PRKN: variants seen among roughly 807,000 people sequenced by gnomAD.
The protein encoded by PRKN is E3 ubiquitin-protein ligase parkin.
A neutral mutation model predicts 59.5 loss-of-function variants in PRKN; 56 were observed. That is an observed-to-expected ratio of 0.94 (90% confidence interval 0.76 to 1.18). The LOEUF is 1.18. PRKN is among the 50% of genes most tolerant of loss of function. The pLI is 0.00. For missense variants in PRKN, 657 were observed against 596.4 expected (o/e 1.10, Z -1.06); for synonymous variants, 250 against 222.1 (o/e 1.13, Z -1.12).
intron 5 of PRKN, among the ~76,000 whole-genome samples, chr6:161,985,563 T>C (rs1781405011): frequency 6.6e-6 from 1 of 152,208 alleles, no homozygotes; most frequent in Non-Finnish European, 1.5e-5. Context: ...AGTTACTATA[T>C]TCCTAACATT....
intron 4 of PRKN, among the ~76,000 whole-genome samples, chr6:162,121,776 C>T (rs559816975): frequency 6.6e-6 from 1 of 152,282 alleles, no homozygotes; most frequent in East Asian, 1.9e-4. Flanking sequence ...GCTGGCTCAG[C>T]TCATACCTGT....
At chr6:162,406,224 G>T (rs1170332594) in intron 2 of PRKN, among the ~76,000 whole-genome samples, 2 of 152,214 alleles carry the variant, frequency 1.3e-5, no homozygotes, top group Non-Finnish European at 2.9e-5. Context: ...CAAATGGACA[G>T]ATGTGGACAC....
chr6:161,888,771 C>T (rs940798119), intron 6 of PRKN, among the ~76,000 whole-genome samples: 1 of 152,132 alleles, frequency 6.6e-6, no homozygotes, highest in Non-Finnish European at 1.5e-5. Context: ...TCTACTAGAA[C>T]CTTCAATCCA....
At chr6:162,271,576 T>G (rs914442678) in intron 2 of PRKN, 19 of 152,112 alleles carry the variant, frequency 1.2e-4, no homozygotes, top group Non-Finnish European at 2.6e-4. Context: ...TTAAAGGTGT[T>G]TTTTAATGTA....
chr6:161,457,723 G>A lies in PRKN; in HGVS notation c.1084-70846C>T, dbSNP rs776369369. On this transcript the variant is annotated intron_variant, in intron 9 of 11. Coordinates refer to ENST00000366898, the MANE Select transcript of PRKN (RefSeq NM_004562.3). The surrounding 1 kb of genome is among the most constrained non-coding windows in gnomAD (Gnocchi z 5.0). ...GGTACAAACGTGTCTCTAGAGAAGA[G>A]ACTGGTTCTGAAAATAGGGAGAATG... 1.3e-5 allele frequency among the ~76,000 whole-genome samples: 2 copies of A among 152,230 alleles called. No individual in the cohort carries two copies. The highest frequency in any genetic ancestry group is 2.4e-5 in the African/African-American group (1 of 41,466).
intron 7 of PRKN, among the ~76,000 whole-genome samples, chr6:161,768,035 T>C (rs1789504410): frequency 6.6e-6 from 1 of 152,112 alleles, no homozygotes; most frequent in Non-Finnish European, 1.5e-5. Context: ...AATGAATGGA[T>C]GACTTCATTT....
At chr6:162,268,638 C>T (rs1273510813) in intron 2 of PRKN, among the ~76,000 whole-genome samples, 1 of 152,192 alleles carries the variant, frequency 6.6e-6, no homozygotes, top group East Asian at 1.9e-4. Flanking sequence ...GTTGATTCCA[C>T]TTTATAGAAG....
chr6:161,925,197 A>G (rs1778922191), intron 6 of PRKN, among the ~76,000 whole-genome samples: 1 of 152,250 alleles, frequency 6.6e-6, no homozygotes, highest in African/African-American at 2.4e-5. Flanking sequence ...ATATAAAACA[A>G]TTTATGATGG....
At chr6:162,412,374 C>T (rs563323353) in intron 2 of PRKN, among the ~76,000 whole-genome samples, 12 of 151,946 alleles carry the variant, frequency 7.9e-5, no homozygotes, top group Non-Finnish European at 1.6e-4. Flanking sequence ...AAAGATGTCA[C>T]CCACAGGAAG....
At chr6:162,033,177 G>A (rs1893893) in intron 5 of PRKN, among the ~76,000 whole-genome samples, 152,219 of 152,352 alleles carry the variant, frequency 1, 76,044 homozygotes, top group Non-Finnish European at 1. Context: ...ATATTCGAGT[G>A]TATCAGGGTC....
In PRKN at chr6:161,462,326, TATAAGCTGGC is replaced by T. The variant is rs1790260353; in HGVS notation, c.1084-75459_1084-75450del. The stretch of plus-strand genomic sequence containing the variant: ...CCTGAACTTCCAGCTATCTGTGGTT[TATAAGCTGGC>T]ATAAGCTGGCATTTTTCAGTCGAAA... On this transcript the variant is annotated intron_variant, in intron 9 of 11. Coordinates refer to ENST00000366898, the MANE Select transcript of PRKN (RefSeq NM_004562.3). The surrounding 1 kb of genome is among the most constrained non-coding windows in gnomAD (Gnocchi z 4.5). Among the ~76,000 whole-genome samples, 1 of 152,214 alleles carries T rather than the reference TATAAGCTGGC, an allele frequency of 6.6e-6. No individual in the cohort carries two copies. The highest frequency in any genetic ancestry group is 1.5e-5 in the Non-Finnish European group (1 of 68,026).
intron 9 of PRKN, among the ~76,000 whole-genome samples, chr6:161,472,999 C>T (rs757133551): frequency 4.6e-5 from 7 of 151,968 alleles, no homozygotes; most frequent in East Asian, 1.9e-4. Flanking sequence ...ACATAACAAG[C>T]GGTAGCACGG....
At position 161,820,250 on chromosome 6, in the gene PRKN, C is replaced by T. The variant is rs1410034680; in HGVS notation, c.735-34342G>A. On this transcript the variant is annotated intron_variant, in intron 6 of 11. Coordinates refer to ENST00000366898, the MANE Select transcript of PRKN (RefSeq NM_004562.3). ...CTCTGGCAAAATGGGTTCACTCATACATTGCTAGTGGGAATATAAATTAGC... is the reference window on the plus strand; with the variant it reads ...CTCTGGCAAAATGGGTTCACTCATATATTGCTAGTGGGAATATAAATTAGC... Among the ~76,000 whole-genome samples the T allele has an allele frequency of 2.0e-5, 3 of 151,956 alleles. No individual in the cohort carries two copies. The East Asian group carries it at 5.8e-4, about 29-fold the overall frequency.
At chr6:161,707,627 T>C (rs892618974) in intron 7 of PRKN, among the ~76,000 whole-genome samples, 3 of 152,232 alleles carry the variant, frequency 2.0e-5, no homozygotes, top group Non-Finnish European at 2.9e-5. Flanking sequence ...AGTAGTATCA[T>C]TGAAATATTA....
rs1471572289 is a variant in PRKN, at chr6:161,414,737, A to G, written c.1084-27860T>C. Among the ~76,000 whole-genome samples the G allele has an allele frequency of 6.6e-6, 1 of 152,166 alleles. No homozygotes were observed. Among genetic ancestry groups the G allele is most frequent in the Non-Finnish European group, 1.5e-5 (1 of 68,034 alleles). ...AAGCCCCAAAGTGCAAAAGGCATGA[A>G]AGGCACATTATGCTTCTCCACCAGA... On this transcript the variant is annotated intron_variant, in intron 9 of 11. Coordinates refer to ENST00000366898, the MANE Select transcript of PRKN (RefSeq NM_004562.3). This position sits in a 1 kb window ranked among gnomAD's most constrained non-coding sequence, Gnocchi z 5.3.
intron 2 of PRKN, among the ~76,000 whole-genome samples, chr6:162,377,082 C>T (rs536026987): frequency 1.3e-5 from 2 of 152,254 alleles, no homozygotes; most frequent in South Asian, 2.1e-4. Flanking sequence ...TCTGGTTGCA[C>T]TTCCATCCTA....
At chr6:162,194,364 A>C (rs901716477) in intron 4 of PRKN, among the ~76,000 whole-genome samples, 4 of 152,196 alleles carry the variant, frequency 2.6e-5, no homozygotes, top group Admixed American at 6.5e-5. Context: ...AATGTGGTAA[A>C]AATCAGCAAA....
chr6:161,495,405 G>C lies in PRKN; in HGVS notation c.1083+53449C>G, dbSNP rs148784249. The stretch of plus-strand genomic sequence containing the variant: ...TCTTCTCCTCCCGTCTGCAGTATAA[G>C]AAGCCTTCACTGGGCACGTGTCTGC... On this transcript the variant is annotated intron_variant, in intron 9 of 11. Transcript: ENST00000366898. 1.6e-3 allele frequency among the ~76,000 whole-genome samples: 242 copies of C among 152,318 alleles called. 1 individual carries two copies. The Middle Eastern group carries it at 0.017, about 11-fold the overall frequency.
intron 7 of PRKN, among the ~76,000 whole-genome samples, chr6:161,652,089 A>G (rs1052656964): frequency 2.6e-5 from 4 of 152,208 alleles, no homozygotes; most frequent in African/African-American, 9.6e-5. Flanking sequence ...GGCATAATCA[A>G]TCTGAATGAC....
Sources: allele counts gnomAD v4.1 joint callset (sites outside exome capture counted in the v4.1 genomes callset), GRCh38; gene constraint gnomAD v4.1.1; non-coding constraint Gnocchi (gnomAD v3.1); transcripts MANE v1.5; gene names NCBI Gene and HGNC (gene_info 2026-07-23, HGNC 2026-07-21).